Variants in KCNQ3 observed in about 807,000 individuals in gnomAD.
KCNQ3 encodes the protein potassium voltage-gated channel subfamily Q member 3.
KCNQ3 carries 30 observed loss-of-function variants against 92.5 expected under a neutral mutation model. The ratio of observed to expected loss-of-function variants is 0.32; its 90% CI spans 0.24 to 0.44. KCNQ3 has a LOEUF of 0.44. Among genes scored for constraint, KCNQ3 ranks in the 20% least tolerant of loss-of-function variants. The probability of loss-of-function intolerance (pLI) is 1.00; values close to 1 mark genes in which losing one functional copy is unlikely to be tolerated. For synonymous variants in KCNQ3, 450 were observed against 468.8 expected (o/e 0.96, Z 0.52); for missense variants, 913 against 1,140.3 (o/e 0.80, Z 2.87).
rs183789573 is a variant in KCNQ3 at position 132,470,156 on chromosome 8, C to T, written c.386+9991G>A. The stretch of plus-strand genomic sequence containing the variant: ...ACAAGGTTTGGCAACAGGGTCTATA[C>T]GCAGAATCCATGAATCCAAGAAAAC... On this transcript the variant is annotated intron_variant, in intron 1 of 14. Transcript: ENST00000388996. 8.1e-4 allele frequency among the ~76,000 whole-genome samples: 124 copies of T among 152,230 alleles called. 2 individuals are homozygous for T. The highest frequency in any genetic ancestry group is 2.1e-4 in the South Asian group (1 of 4,816).
At chr8:132,441,996 T>C (rs774498178) in intron 1 of KCNQ3, among the ~76,000 whole-genome samples, 2 of 152,158 alleles carry the variant, frequency 1.3e-5, no homozygotes, top group Non-Finnish European at 2.9e-5. Context: ...ATACTGCATG[T>C]TCTCACTTAT....
chr8:132,449,601 C>T (rs1436458886), intron 1 of KCNQ3, among the ~76,000 whole-genome samples: 1 of 152,170 alleles, frequency 6.6e-6, no homozygotes, highest in Non-Finnish European at 1.5e-5. Context: ...CCCTCAGATT[C>T]ACCCCCCACA....
rs569399138 is a variant in KCNQ3, at chr8:132,122,942, G to A, written c.*6320C>T. ...CCTGTCTGCTTCTTTGTAGCTTTTG[G>A]TGAAGGCCCTAGAGTATCTGCTTAT... On this transcript the variant is annotated 3_prime_UTR_variant, in exon 15 of 15. Transcript: ENST00000388996. The A allele has an allele frequency of 6.6e-6, 1 of 152,258 alleles. No homozygotes were observed. The highest frequency in any genetic ancestry group is 1.9e-4 in the East Asian group (1 of 5,180). 9.4% of individuals were successfully genotyped at this position (152,258 alleles called of 1,614,324 possible).
At chr8:132,470,195 C>A (rs989644158) in intron 1 of KCNQ3, among the ~76,000 whole-genome samples, 1 of 152,182 alleles carries the variant, frequency 6.6e-6, no homozygotes, top group African/African-American at 2.4e-5. Flanking sequence ...TTCAGCTCAG[C>A]CAACAGTTCT....
intron 1 of KCNQ3, among the ~76,000 whole-genome samples, chr8:132,267,777 T>G (rs1260682936): frequency 1.3e-5 from 2 of 152,240 alleles, no homozygotes; most frequent in African/African-American, 4.8e-5. Context: ...ATAGACTATA[T>G]TCTAGAACAT....
chr8:132,346,981 A>G (rs1416648511), intron 1 of KCNQ3, among the ~76,000 whole-genome samples: 2 of 152,234 alleles, frequency 1.3e-5, no homozygotes, highest in East Asian at 1.9e-4. Context: ...TGTTGTTTCG[A>G]CGGCGTTGAA....
chr8:132,174,262 C>T lies in KCNQ3; in HGVS notation c.1021G>A (p.Val341Ile), dbSNP rs764957038. Residue 341 changes from valine to isoleucine, a missense_variant, in exon 6 of 15, where the codon GTC (valine) becomes ATC (isoleucine). By Grantham distance (29) the Val-to-Ile change is conservative. Coordinates refer to ENST00000388996, the MANE Select transcript of KCNQ3 (RefSeq NM_004519.4). Reference sequence around the variant, plus strand: ...ACCGCTGGAAGGGCAAAAAAGGAGACGCCAATTAAGGAAAAGGTGGCGGCA... The same window carrying T: ...ACCGCTGGAAGGGCAAAAAAGGAGATGCCAATTAAGGAAAAGGTGGCGGCA... ...LIAATFSLIG[V>I]SFFALPAGIL... 1.0e-5 allele frequency: 16 copies of T among 1,551,330 alleles called. No homozygotes were observed. Among genetic ancestry groups the T allele is most frequent in the East Asian group, 7.3e-5 (3 of 40,946 alleles).
At chr8:132,342,145 A>G (rs1396469424) in intron 1 of KCNQ3, among the ~76,000 whole-genome samples, 1 of 151,740 alleles carries the variant, frequency 6.6e-6, no homozygotes, top group Non-Finnish European at 1.5e-5. Context: ...GAGGATGATG[A>G]TCTCTTACCA....
intron 1 of KCNQ3, among the ~76,000 whole-genome samples, chr8:132,261,071 C>T (rs1220283630): frequency 6.6e-6 from 1 of 152,192 alleles, no homozygotes; most frequent in East Asian, 1.9e-4. Flanking sequence ...TACCAATTCA[C>T]TATGCTCAAC....
At chr8:132,357,982 C>A (rs1199845826) in intron 1 of KCNQ3, among the ~76,000 whole-genome samples, 1 of 152,242 alleles carries the variant, frequency 6.6e-6, no homozygotes, top group African/African-American at 2.4e-5. Context: ...CCGTCCTCGA[C>A]AGCCCAGCTG....
intron 1 of KCNQ3, among the ~76,000 whole-genome samples, chr8:132,470,472 C>A (rs1231849130): frequency 2.0e-5 from 3 of 152,186 alleles, no homozygotes; most frequent in Admixed American, 1.3e-4. Context: ...TGCATACACA[C>A]ATGCACTTAT....
In KCNQ3 at chr8:132,129,190, G is replaced by A. The variant is rs936515724; in HGVS notation, c.*72C>T. The A allele has an allele frequency of 5.6e-5, 87 of 1,556,304 alleles. No homozygotes were observed. The highest frequency in any genetic ancestry group is 1.7e-4 in the South Asian group (15 of 88,788). On this transcript the variant is annotated 3_prime_UTR_variant, in exon 15 of 15. Coordinates refer to ENST00000388996, the MANE Select transcript of KCNQ3 (RefSeq NM_004519.4). This position sits in a 1 kb window ranked among gnomAD's most constrained non-coding sequence, Gnocchi z 5.9. ...GCCATTGGTGTCCCCGCTGGTAAGC[G>A]TCGGGTGTAAGAGTAAGTGAACTAT... is the stretch of plus-strand genomic sequence containing the variant.
chr8:132,376,841 G>A (rs1287392077), intron 1 of KCNQ3, among the ~76,000 whole-genome samples: 1 of 152,150 alleles, frequency 6.6e-6, no homozygotes, highest in Non-Finnish European at 1.5e-5. Context: ...AAGAGGAACT[G>A]GATCCCCAAA....
intron 1 of KCNQ3, among the ~76,000 whole-genome samples, chr8:132,196,477 G>C (rs1586820981): frequency 6.6e-6 from 1 of 152,152 alleles, no homozygotes; most frequent in Non-Finnish European, 1.5e-5. Context: ...ACATCACTTT[G>C]TGCTTGCACC....
At position 132,127,537 on chromosome 8, in the gene KCNQ3, A is replaced by G. The variant is rs1824711307; in HGVS notation, c.*1725T>C. The G allele has an allele frequency of 6.6e-6, 1 of 152,200 alleles. No homozygotes were observed. The highest frequency in any genetic ancestry group is 1.5e-5 in the Non-Finnish European group (1 of 68,044). 9.4% of individuals were successfully genotyped at this position (152,200 alleles called of 1,614,324 possible). ...TAGGAAATGATGAAACCATCAACCA[A>G]ATGTCTGCCATAGCTACTGTGGCTC... On this transcript the variant is annotated 3_prime_UTR_variant, in exon 15 of 15. Transcript: ENST00000388996.
chr8:132,446,416 C>T (rs747794372), intron 1 of KCNQ3, among the ~76,000 whole-genome samples: 25 of 152,190 alleles, frequency 1.6e-4, no homozygotes, highest in African/African-American at 2.4e-4. Context: ...TTGGGAGACC[C>T]GGACTCTGCT....
At chr8:132,420,791 T>A (rs983661776) in intron 1 of KCNQ3, among the ~76,000 whole-genome samples, 1 of 152,214 alleles carries the variant, frequency 6.6e-6, no homozygotes, top group Non-Finnish European at 1.5e-5. Flanking sequence ...TTCTGGAGTC[T>A]GTGAGGAGAG....
At chr8:132,253,582 A>C (rs899671749) in intron 1 of KCNQ3, among the ~76,000 whole-genome samples, 1 of 152,228 alleles carries the variant, frequency 6.6e-6, no homozygotes, top group Admixed American at 6.5e-5. Context: ...CCTGGAACAC[A>C]GTGGCCCTCA....
At chr8:132,341,255 A>G (rs2130685598) in intron 1 of KCNQ3, among the ~76,000 whole-genome samples, 1 of 152,382 alleles carries the variant, frequency 6.6e-6, no homozygotes, top group East Asian at 1.9e-4. Flanking sequence ...GTCATTCACA[A>G]ACCTCAGTGG....
Sources: allele counts gnomAD v4.1 joint callset (sites outside exome capture counted in the v4.1 genomes callset), GRCh38; gene constraint gnomAD v4.1.1; non-coding constraint Gnocchi (gnomAD v3.1); transcripts MANE v1.5; gene names NCBI Gene and HGNC (gene_info 2026-07-23, HGNC 2026-07-21).